Variants in GNG7 observed in about 807,000 individuals in gnomAD.
The protein encoded by GNG7 is G protein subunit gamma 7, also known as guanine nucleotide-binding protein G(I)/G(S)/G(O) subunit gamma-7.
GNG7 carries 1 observed loss-of-function variant against 4.0 expected under a neutral mutation model. The ratio of observed to expected loss-of-function variants is 0.25; its 90% confidence interval spans 0.09 to 1.18. The LOEUF (loss-of-function observed/expected upper bound fraction) is 1.18, where lower values mean the gene tolerates loss of function less well. Among genes scored for constraint, GNG7 ranks in the 50% most tolerant of loss-of-function variants. The probability of loss-of-function intolerance (pLI) is 0.50; values close to 1 mark genes in which losing one functional copy is unlikely to be tolerated. For synonymous variants in GNG7, 34 were observed against 36.9 expected (o/e 0.92, Z 0.29); for missense variants, 86 against 91.9 (o/e 0.94, Z 0.26).
intron 3 of GNG7, among the ~76,000 whole-genome samples, chr19:2,542,029 C>A (rs561132758): frequency 6.6e-6 from 1 of 151,050 alleles, no homozygotes; most frequent in African/African-American, 2.4e-5. Flanking sequence ...GGCTGCAGGG[C>A]GGCCCTTCCA....
In GNG7 at chr19:2,661,286, GAA is replaced by G. The variant is rs1456792217; in HGVS notation, c.-134-15008_-134-15007del. Among the ~76,000 whole-genome samples the G allele has an allele frequency of 1.4e-3, 53 of 37,292 alleles. 1 individual carries two copies. The highest frequency in any genetic ancestry group is 2.2e-3 in the Non-Finnish European group (46 of 20,496). The allele number at this position is 37,292 out of a possible 152,430, so 24.5% of individuals were successfully genotyped here. A position where few individuals can be genotyped will look rare whatever the true frequency, so the allele number is the denominator to read the frequency against. ...GAAAGAAAGAAAAGAAAGAAAGAAA[GAA>G]AGAAAGAAAGAAAGAGAAAGAAAGA... is the stretch of plus-strand genomic sequence containing the variant. On this transcript the variant is annotated intron_variant, in intron 1 of 4. Transcript: ENST00000382159.
chr19:2,525,563 C>A (rs898089980), intron 3 of GNG7, among the ~76,000 whole-genome samples: 11 of 152,156 alleles, frequency 7.2e-5, no homozygotes, highest in Non-Finnish European at 1.6e-4. Context: ...CAGAGCAGAC[C>A]TGAGCTGATC....
chr19:2,672,120 T>G (rs1024932413), intron 1 of GNG7, among the ~76,000 whole-genome samples: 4 of 146,540 alleles, frequency 2.7e-5, no homozygotes, highest in Admixed American at 6.8e-5. Context: ...TCACTGCAAC[T>G]GCTGCCTGCC....
At chr19:2,601,127 CT>C (rs1205775354) in intron 2 of GNG7, among the ~76,000 whole-genome samples, 2 of 151,906 alleles carry the variant, frequency 1.3e-5, no homozygotes, top group Non-Finnish European at 2.9e-5. Flanking sequence ...AAGGAGAGAC[CT>C]CCCCCCCGCC....
chr19:2,550,553 C>A (rs8109583), intron 3 of GNG7, among the ~76,000 whole-genome samples: 1,601 of 152,280 alleles, frequency 0.011, 25 homozygotes, highest in African/African-American at 0.035. Flanking sequence ...CTCACCAAGC[C>A]CCAGCTTCTG....
chr19:2,557,315 A>G lies in GNG7; in HGVS notation c.-77-2127T>C, dbSNP rs1979591896. Among the ~76,000 whole-genome samples the G allele has an allele frequency of 1.4e-5, 1 of 73,292 alleles. No individual in the cohort carries two copies. Among genetic ancestry groups the G allele is most frequent in the Non-Finnish European group, 2.8e-5 (1 of 35,834 alleles). The allele number at this position is 73,292 out of a possible 152,430, so 48.1% of individuals were successfully genotyped here. A position where few individuals can be genotyped will look rare whatever the true frequency, so the allele number is the denominator to read the frequency against. On this transcript the variant is annotated intron_variant, in intron 2 of 4. Transcript: ENST00000382159. This position sits in a 1 kb window ranked among gnomAD's most constrained non-coding sequence, Gnocchi z 5.1. ...CACAGAGGTGCACATACACGCACAG[A>G]CACACATGTGCACACAGACACACAC...
intron 2 of GNG7, chr19:2,642,299 C>T: frequency 5.1e-6 from 1 of 195,604 alleles, no homozygotes; most frequent in Non-Finnish European, 1.1e-5. Flanking sequence ...TGAGAATTGC[C>T]GTATCCTAGC....
At chr19:2,552,857 C>CGA (rs150374145) in intron 3 of GNG7, among the ~76,000 whole-genome samples, 1 of 147,730 alleles carries the variant, frequency 6.8e-6, no homozygotes, top group Non-Finnish European at 1.5e-5. Context: ...CTCCACCCCC[C>CGA]CCACCTCCCC....
chr19:2,697,005 TAA>T (rs1439532430), intron 1 of GNG7, among the ~76,000 whole-genome samples: 1 of 146,220 alleles, frequency 6.8e-6, no homozygotes. Context: ...GGCGCCCGGC[TAA>T]TTTTTGTATT....
At chr19:2,538,061 A>G (rs1403106506) in intron 3 of GNG7, 1 of 443,902 alleles carries the variant, frequency 2.3e-6, no homozygotes, top group Non-Finnish European at 4.5e-6. Context: ...TGGACAACAG[A>G]GCAAGACTCT....
intron 2 of GNG7, among the ~76,000 whole-genome samples, chr19:2,602,708 C>T (rs1218169502): frequency 6.6e-6 from 1 of 152,214 alleles, no homozygotes; most frequent in African/African-American, 2.4e-5. Context: ...AAGCCAGAAA[C>T]GGAAGCCAAT....
intron 2 of GNG7, among the ~76,000 whole-genome samples, chr19:2,595,821 T>C (rs535555462): frequency 1.3e-5 from 2 of 152,016 alleles, no homozygotes; most frequent in African/African-American, 4.8e-5. Context: ...TGGCTGTACG[T>C]ATCTATGTGA....
At chr19:2,517,208 C>T (rs531566317) in intron 4 of GNG7, 17 of 152,302 alleles carry the variant, frequency 1.1e-4, no homozygotes, top group African/African-American at 3.1e-4. Context: ...GACAGGGTCT[C>T]GCTCTGTCCC....
chr19:2,676,201 G>A (rs1352388207), intron 1 of GNG7, among the ~76,000 whole-genome samples: 3 of 152,202 alleles, frequency 2.0e-5, no homozygotes, highest in African/African-American at 7.2e-5. Flanking sequence ...CCACACCTTC[G>A]TCTCAGACTT....
intron 2 of GNG7, among the ~76,000 whole-genome samples, chr19:2,575,617 ACAGACATGCAGGCACACACAGGCACACG>A (rs1980293172): frequency 8.1e-6 from 1 of 124,148 alleles, no homozygotes; most frequent in Non-Finnish European, 1.7e-5. Flanking sequence ...GCAGGCACAC[ACAGACATGCAGGCACACACAGGCACACG>A]CAGACACGCA....
In GNG7 at chr19:2,538,893, C is replaced by T. The variant is rs1037965373; in HGVS notation, c.-38+16256G>A. On this transcript the variant is annotated intron_variant, in intron 3 of 4. Coordinates refer to ENST00000382159, the MANE Select transcript of GNG7 (RefSeq NM_052847.3). ...AAGCCATTCTCCTGCCTCAACCTCC[C>T]GAGTAGCTGGGATTACAGGCGCCCG... 1.4e-4 allele frequency: 28 copies of T among 205,136 alleles called. No individual in the cohort carries two copies. In the Admixed American group the frequency reaches 1.4e-3, roughly 10 times the overall value. The allele number at this position is 205,136 out of a possible 1,614,324, so 12.7% of individuals were successfully genotyped here.
intron 3 of GNG7, among the ~76,000 whole-genome samples, chr19:2,533,788 A>C (rs1283728204): frequency 6.6e-6 from 1 of 152,224 alleles, no homozygotes; most frequent in Admixed American, 6.6e-5. Context: ...AAATGCAGGA[A>C]GAAGTGAAAA....
At chr19:2,682,753 G>A (rs1983773414) in intron 1 of GNG7, among the ~76,000 whole-genome samples, 2 of 148,288 alleles carry the variant, frequency 1.3e-5, no homozygotes, top group African/African-American at 2.5e-5. Context: ...CCCACTCCAC[G>A]CCATGAGCCT....
chr19:2,553,042 C>T (rs1979384406), intron 3 of GNG7, among the ~76,000 whole-genome samples: 2 of 147,978 alleles, frequency 1.4e-5, no homozygotes, highest in South Asian at 2.1e-4. Context: ...GAAAAACTGG[C>T]GAGTCGACGA....
Sources: allele counts gnomAD v4.1 joint callset (sites outside exome capture counted in the v4.1 genomes callset), GRCh38; gene constraint gnomAD v4.1.1; non-coding constraint Gnocchi (gnomAD v3.1); transcripts MANE v1.5; gene names NCBI Gene and HGNC (gene_info 2026-07-23, HGNC 2026-07-21).